The following OR51B5 variants were observed in gnomAD, a reference collection of about 807,000 sequenced individuals.
The protein encoded by OR51B5 is olfactory receptor 51B5.
For synonymous variants in OR51B5, 186 were observed against 144.8 expected, an observed-to-expected ratio of 1.28 and a Z score of -2.04; for missense variants, 456 against 374.6, an observed-to-expected ratio of 1.22 and a Z score of -1.79.
At chr11:5,433,484 C>G (rs1850558903) in intron 1 of OR51B5, among the ~76,000 whole-genome samples, 1 of 152,200 alleles carries the variant, frequency 6.6e-6, no homozygotes, top group African/African-American at 2.4e-5. Context: ...TGCACCAATT[C>G]TTTATCCTCT....
intron 1 of OR51B5, among the ~76,000 whole-genome samples, chr11:5,463,434 G>A (rs1208529352): frequency 4.6e-5 from 7 of 152,080 alleles, no homozygotes; most frequent in Admixed American, 1.3e-4. Flanking sequence ...ACTGGCTATC[G>A]GACCACCTTG....
intron 1 of OR51B5, chr11:5,351,912 C>T (rs1178923726): frequency 6.2e-7 from 1 of 1,613,130 alleles, no homozygotes; most frequent in South Asian, 1.1e-5. Context: ...CTATCCTGAC[C>T]AACACCCAGG....
intron 1 of OR51B5, among the ~76,000 whole-genome samples, chr11:5,380,215 G>C (rs1268534442): frequency 6.6e-6 from 1 of 152,204 alleles, no homozygotes; most frequent in Non-Finnish European, 1.5e-5. Context: ...AAGAGTTGCT[G>C]TGGGAAGATG....
intron 1 of OR51B5, among the ~76,000 whole-genome samples, chr11:5,373,509 G>C (rs1053934310): frequency 1.3e-5 from 2 of 152,136 alleles, no homozygotes; most frequent in Admixed American, 6.5e-5. Flanking sequence ...CCATGCACCA[G>C]CCGAAGCAGG....
intron 1 of OR51B5, among the ~76,000 whole-genome samples, chr11:5,492,999 A>T (rs1286939453): frequency 2.6e-5 from 4 of 152,156 alleles, no homozygotes; most frequent in Non-Finnish European, 5.9e-5. Flanking sequence ...ATCTGGAAAC[A>T]TGTTTAACAT....
intron 1 of OR51B5, among the ~76,000 whole-genome samples, chr11:5,433,937 C>A (rs1850563320): frequency 6.6e-6 from 1 of 152,184 alleles, no homozygotes. Context: ...CTTCATGCAC[C>A]AGCTCTGCTG....
chr11:5,478,527 C>G lies in OR51B5; in HGVS notation n.84+27042G>C, dbSNP rs891032885. Among the ~76,000 whole-genome samples, 855 of 136,000 alleles carry G rather than the reference C, an allele frequency of 6.3e-3. 14 individuals carry two copies. The highest frequency in any genetic ancestry group is 0.047 in the South Asian group (202 of 4,336). The allele number at this position is 136,000 out of a possible 152,430, so 89.2% of individuals were successfully genotyped here. ...CTGGATGGAGAATGACTTTGACGAG[C>G]TGAGAGAAGAAGGCTTCAGACGATC... On this transcript the variant is annotated intron_variant and non_coding_transcript_variant, in intron 1 of 4. Transcript: ENST00000415970.
chr11:5,344,332 GTCTTTT>G (rs1848955914), upstream of OR51B5, among the ~76,000 whole-genome samples: 1 of 152,180 alleles, frequency 6.6e-6, no homozygotes, highest in African/African-American at 2.4e-5. Context: ...TACAAGTAGT[GTCTTTT>G]TCTTTTTAAA....
At chr11:5,450,648 C>A (rs1850831086) in intron 1 of OR51B5, among the ~76,000 whole-genome samples, 1 of 152,096 alleles carries the variant, frequency 6.6e-6, no homozygotes, top group African/African-American at 2.4e-5. Flanking sequence ...TATGTATCTG[C>A]CTTTAACCAC....
At chr11:5,442,655 T>C (rs932735817) in intron 1 of OR51B5, among the ~76,000 whole-genome samples, 6 of 152,210 alleles carry the variant, frequency 3.9e-5, no homozygotes, top group African/African-American at 1.4e-4. Context: ...ATCATTATTA[T>C]TTTTTAGTTA....
intron 1 of OR51B5, chr11:5,355,065 A>AT (rs1196038196): frequency 5.9e-6 from 1 of 168,106 alleles, no homozygotes; most frequent in Non-Finnish European, 1.3e-5. Context: ...ACCTGGACCA[A>AT]TTTCCTGACT....
chr11:5,420,966 G>T (rs943064804), intron 1 of OR51B5, among the ~76,000 whole-genome samples: 4 of 152,100 alleles, frequency 2.6e-5, no homozygotes, highest in African/African-American at 9.7e-5. Context: ...TCTTGCCCCT[G>T]TAAACTCTAT....
intron 1 of OR51B5, among the ~76,000 whole-genome samples, chr11:5,474,836 A>C (rs1851281144): frequency 6.6e-6 from 1 of 152,214 alleles, no homozygotes; most frequent in African/African-American, 2.4e-5. Context: ...GATCAGGACA[A>C]CAGGCTAAAC....
At chr11:5,372,311 A>G (rs1482276719) in intron 1 of OR51B5, among the ~76,000 whole-genome samples, 1 of 151,720 alleles carries the variant, frequency 6.6e-6, no homozygotes, top group Non-Finnish European at 1.5e-5. Context: ...TCATCATACA[A>G]TAACTCTATT....
At chr11:5,444,384 C>A (rs1248424263) in intron 1 of OR51B5, among the ~76,000 whole-genome samples, 1 of 152,022 alleles carries the variant, frequency 6.6e-6, no homozygotes, top group Non-Finnish European at 1.5e-5. Context: ...TGCAGCAGTA[C>A]CTTAACTCAG....
chr11:5,440,806 G>C, intron 1 of OR51B5: 2 of 1,613,894 alleles, frequency 1.2e-6, no homozygotes, highest in Middle Eastern at 1.7e-4. Context: ...AGTGCCTTGA[G>C]CCGCTGTTCC....
At chr11:5,376,854 G>A (rs1849536391) in intron 1 of OR51B5, among the ~76,000 whole-genome samples, 1 of 147,634 alleles carries the variant, frequency 6.8e-6, no homozygotes, top group South Asian at 2.2e-4. Flanking sequence ...GGACCAGATG[G>A]ATTCACAGCC....
At chr11:5,452,179 A>G (rs1850862716) in intron 1 of OR51B5, among the ~76,000 whole-genome samples, 1 of 152,094 alleles carries the variant, frequency 6.6e-6, no homozygotes, top group Non-Finnish European at 1.5e-5. Flanking sequence ...GACTGAGAGT[A>G]TGAGGACAAG....
chr11:5,405,990 T>C (rs1027054229), intron 1 of OR51B5, among the ~76,000 whole-genome samples: 1 of 152,180 alleles, frequency 6.6e-6, no homozygotes, highest in African/African-American at 2.4e-5. Flanking sequence ...GATTATTTCC[T>C]GAGATGAGAA....
Sources: gnomAD v4.1 joint callset for allele counts (sites outside exome capture counted in the v4.1 genomes callset) on GRCh38, gnomAD v4.1.1 for gene constraint, MANE v1.5 for transcripts, NCBI Gene and HGNC (gene_info 2026-07-23, HGNC 2026-07-21) for gene names.